The following SNAP47 variants were observed in gnomAD, a reference collection of about 807,000 sequenced individuals.
SNAP47 encodes the protein synaptosomal-associated protein 47.
Under a neutral mutation model 31.4 loss-of-function variants are expected in SNAP47, and 20 were observed. That is an observed-to-expected ratio of 0.64 (90% CI 0.45 to 0.93). The LOEUF is 0.93. SNAP47 is among the 40% of genes least tolerant of loss of function. The pLI, the probability that SNAP47 is intolerant of heterozygous loss-of-function variation, is 0.00. For synonymous variants in SNAP47, 194 were observed against 213.4 expected (o/e 0.91, Z 0.79); for missense variants, 492 against 528.5 (o/e 0.93, Z 0.68).
intron 1 of SNAP47, among the ~76,000 whole-genome samples, chr1:227,743,347 T>C (rs1661743516): frequency 6.6e-6 from 1 of 151,854 alleles, no homozygotes; most frequent in African/African-American, 2.4e-5. Context: ...GCAGGGAGAG[T>C]GCGAGGTGCT....
chr1:227,752,621 C>T lies in SNAP47; in HGVS notation c.497+4388C>T, dbSNP rs931028400. ...GGCATATAGACACTGTATTTTTGTA[C>T]CCGAACTCAGGTCTCGGCCACTCAT... On this transcript the variant is annotated intron_variant, in intron 2 of 4. Coordinates refer to ENST00000617596, the MANE Select transcript of SNAP47 (RefSeq NM_053052.4). 2.6e-5 allele frequency among the ~76,000 whole-genome samples: 4 copies of T among 152,078 alleles called. No homozygotes were observed. The South Asian group carries it at 6.2e-4, about 24-fold the overall frequency.
upstream of SNAP47, chr1:227,733,370 T>C: frequency 6.4e-7 from 1 of 1,551,488 alleles, no homozygotes; most frequent in Non-Finnish European, 8.7e-7. Context: ...GCCGTCTTCC[T>C]GCAGGAAGGC....
At chr1:227,751,779 T>TTG in intron 2 of SNAP47, among the ~76,000 whole-genome samples, 1 of 92,436 alleles carries the variant, frequency 1.1e-5, no homozygotes, top group Non-Finnish European at 2.0e-5. Context: ...TTTTTTTTTT[T>TTG]TTGAGACGGA....
intron 1 of SNAP47, chr1:227,736,531 T>C (rs1448501469): frequency 7.7e-6 from 1 of 129,516 alleles, no homozygotes; most frequent in East Asian, 2.8e-4. Flanking sequence ...TTTTTTTTTT[T>C]TTTTTTGAGA....
intron 4 of SNAP47, among the ~76,000 whole-genome samples, chr1:227,770,024 A>G (rs1171244334): frequency 1.3e-5 from 2 of 152,072 alleles, no homozygotes; most frequent in Non-Finnish European, 2.9e-5. Context: ...CTGGTGCCTG[A>G]TGGTGGGAAA....
intron 1 of SNAP47, among the ~76,000 whole-genome samples, chr1:227,736,680 G>GTTTTT (rs1558187372): frequency 7.9e-6 from 1 of 126,514 alleles, no homozygotes; most frequent in Non-Finnish European, 1.7e-5. Flanking sequence ...TTGTTTTTTT[G>GTTTTT]TTTTTGTTTT....
chr1:227,776,469 C>CTG, intron 4 of SNAP47: 1 of 985,942 alleles, frequency 1.0e-6, no homozygotes, highest in East Asian at 1.1e-4. Context: ...CGCCTCGCCT[C>CTG]TGACTCAGAG....
chr1:227,733,141 G>A, upstream of SNAP47: 1 of 1,207,550 alleles, frequency 8.3e-7, no homozygotes, highest in Non-Finnish European at 1.2e-6. Flanking sequence ...AGCCAAGAGG[G>A]CCCTCCTGTC....
rs1465511310 is a variant in SNAP47 at position 227,748,578 on chromosome 1, G to GT, written c.497+348dup. ...TGTGACCTCCTGTACACATTCCTCT[G>GT]TTTCTGGCTCCTATGTGGTGATGGG... On this transcript the variant is annotated intron_variant, in intron 2 of 4. Coordinates refer to ENST00000617596, the MANE Select transcript of SNAP47 (RefSeq NM_053052.4). Among the ~76,000 whole-genome samples the GT allele has an allele frequency of 2.0e-5, 3 of 152,242 alleles. No homozygotes were observed. The East Asian group carries it at 5.8e-4, about 29-fold the overall frequency.
intron 4 of SNAP47, among the ~76,000 whole-genome samples, chr1:227,772,764 A>G (rs1663903199): frequency 6.6e-6 from 1 of 152,136 alleles, no homozygotes; most frequent in African/African-American, 2.4e-5. Context: ...ACCCAGATTT[A>G]TTCTTCTGTG....
At chr1:227,748,966 C>T (rs1442163375) in intron 2 of SNAP47, among the ~76,000 whole-genome samples, 1 of 152,080 alleles carries the variant, frequency 6.6e-6, no homozygotes, top group African/African-American at 2.4e-5. Context: ...GTACTCCTTT[C>T]GTATTTGGCT....
intron 1 of SNAP47, chr1:227,736,554 G>A (rs1236798506): frequency 8.7e-6 from 1 of 114,928 alleles, no homozygotes; most frequent in East Asian, 2.9e-4. Flanking sequence ...GTATGCAGTG[G>A]CACCATCACA....
chr1:227,739,675 C>T (rs1159918848), intron 1 of SNAP47, among the ~76,000 whole-genome samples: 1 of 152,172 alleles, frequency 6.6e-6, no homozygotes, highest in African/African-American at 2.4e-5. Flanking sequence ...TCAGGGGACC[C>T]TTGAGTGATG....
Position 227,763,873 on chromosome 1 carries a change from G to A in SNAP47, c.989-3086G>A, listed in dbSNP as rs552588736. Among the ~76,000 whole-genome samples the A allele has an allele frequency of 2.6e-5, 4 of 152,272 alleles. No individual in the cohort carries two copies. Among genetic ancestry groups the A allele is most frequent in the East Asian group, 1.9e-4 (1 of 5,166 alleles). ...AGACAGGCTGGTGGCCCAGGTCCCCGCTCCCAGGCAGGTGCAGGCAGCCCC... is the reference window on the plus strand; with the variant it reads ...AGACAGGCTGGTGGCCCAGGTCCCCACTCCCAGGCAGGTGCAGGCAGCCCC... On this transcript the variant is annotated intron_variant, in intron 3 of 4. Transcript: ENST00000617596. The surrounding 1 kb of genome is among the most constrained non-coding windows in gnomAD (Gnocchi z 4.2).
intron 4 of SNAP47, among the ~76,000 whole-genome samples, chr1:227,772,770 CT>C (rs1663903392): frequency 6.6e-6 from 1 of 152,194 alleles, no homozygotes. Flanking sequence ...ATTTATTCTT[CT>C]GTGTGTCCAG....
At position 227,767,068 on chromosome 1, in the gene SNAP47, C is replaced by T; in HGVS notation, c.1098C>T (p.Thr366=). The T allele has an allele frequency of 3.1e-6, 5 of 1,614,084 alleles. No homozygotes were observed. Among genetic ancestry groups the T allele is most frequent in the East Asian group, 2.2e-5 (1 of 44,884 alleles). ...TGCCAGCCCTTTCTGAGGCAGATAC[C>T]CAGGAACTAACCCAGGTAAGATGTC... ...TSLPALSEAD[T]QELTQILRRM... The change falls in exon 4 of 5, where the codon ACC becomes ACT. Residue 366 remains threonine (T), a synonymous_variant. Transcript: ENST00000617596.
intron 2 of SNAP47, among the ~76,000 whole-genome samples, chr1:227,756,795 A>C (rs964291687): frequency 6.6e-6 from 1 of 152,238 alleles, no homozygotes; most frequent in Non-Finnish European, 1.5e-5. Context: ...GCTTAGGCCA[A>C]GTTACCGTGC....
At chr1:227,768,950 T>C (rs1157260999) in intron 4 of SNAP47, among the ~76,000 whole-genome samples, 1 of 152,206 alleles carries the variant, frequency 6.6e-6, no homozygotes, top group Non-Finnish European at 1.5e-5. Flanking sequence ...AGCAAAGCTT[T>C]AAGATGAAAA....
chr1:227,758,768 G>A (rs903715428), intron 2 of SNAP47, among the ~76,000 whole-genome samples: 1 of 149,680 alleles, frequency 6.7e-6, no homozygotes, highest in African/African-American at 2.5e-5. Flanking sequence ...CTTTTTGCTG[G>A]TTGGCTTTGC....
Sources: gnomAD v4.1 joint callset for allele counts (sites outside exome capture counted in the v4.1 genomes callset) on GRCh38, gnomAD v4.1.1 for gene constraint, Gnocchi (gnomAD v3.1) non-coding constraint, MANE v1.5 for transcripts, NCBI Gene and HGNC (gene_info 2026-07-23, HGNC 2026-07-21) for gene names.